The following PATJ variants were observed in gnomAD, a reference collection of about 807,000 sequenced individuals.
The protein encoded by PATJ is PATJ crumbs cell polarity complex component.
PATJ carries 190 observed loss-of-function variants against 224.9 expected under a neutral mutation model. The observed-to-expected ratio is 0.84, with a 90% confidence interval of 0.75 to 0.95. The LOEUF is 0.95. Ranked by LOEUF, PATJ falls within the 40% of genes least tolerant of loss-of-function variation. The pLI is 0.00. For synonymous variants in PATJ, 769 were observed against 820.3 expected (o/e 0.94, Z 1.07); for missense variants, 2,121 against 2,270.3 (o/e 0.93, Z 1.34).
intron 22 of PATJ, among the ~76,000 whole-genome samples, chr1:61,896,054 T>C (rs1670322319): frequency 6.6e-6 from 1 of 152,174 alleles, no homozygotes; most frequent in Non-Finnish European, 1.5e-5. Flanking sequence ...CCCAGCACTT[T>C]GGGAGGCTGA....
At chr1:62,092,215 A>T (rs937129497) in intron 33 of PATJ, among the ~76,000 whole-genome samples, 1 of 151,748 alleles carries the variant, frequency 6.6e-6, no homozygotes, top group Non-Finnish European at 1.5e-5. Context: ...CCTGTCTCAA[A>T]AAAAATTTTT....
intron 43 of PATJ, among the ~76,000 whole-genome samples, chr1:62,154,027 C>G (rs1668904028): frequency 6.6e-6 from 1 of 152,142 alleles, no homozygotes; most frequent in African/African-American, 2.4e-5. Context: ...GCCTCAGTAG[C>G]TAGGACTACA....
At chr1:62,158,647 C>G (rs1018599314) in intron 43 of PATJ, among the ~76,000 whole-genome samples, 2 of 130,660 alleles carry the variant, frequency 1.5e-5, no homozygotes, top group African/African-American at 5.2e-5. Context: ...TGTGAACCGG[C>G]GAGGCAGAGC....
At position 62,050,067 on chromosome 1, in the gene PATJ, G is replaced by A. The variant is rs1166980279; in HGVS notation, c.4033-899G>A. 3.3e-5 allele frequency among the ~76,000 whole-genome samples: 5 copies of A among 149,612 alleles called. No individual in the cohort carries two copies. In the East Asian group the frequency reaches 7.8e-4, roughly 23 times the overall value. On this transcript the variant is annotated intron_variant, in intron 30 of 43. Coordinates refer to ENST00000642238, the MANE Select transcript of PATJ (RefSeq NM_001350145.3). The stretch of plus-strand genomic sequence containing the variant: ...GGAGGCGAAGGTTGCAGTGAGCGGA[G>A]GTCGTGCCACTGCACTGCAGCCTTG...
chr1:62,051,565 G>A (rs1414887118), intron 31 of PATJ, among the ~76,000 whole-genome samples: 4 of 152,168 alleles, frequency 2.6e-5, no homozygotes, highest in African/African-American at 7.2e-5. Context: ...GACCTCAGAT[G>A]ATCCATCCGC....
At chr1:61,919,240 A>C (rs1355410985) in intron 26 of PATJ, among the ~76,000 whole-genome samples, 2 of 152,004 alleles carry the variant, frequency 1.3e-5, no homozygotes, top group Non-Finnish European at 2.9e-5. Context: ...CTTTAGTTAA[A>C]TGCAGAGATT....
chr1:62,100,530 G>T (rs1662024200), intron 33 of PATJ: 1 of 606,366 alleles, frequency 1.6e-6, no homozygotes, highest in Non-Finnish European at 3.0e-6. Context: ...ACGCCTTAAA[G>T]GTCTCACCTC....
chr1:61,993,172 C>T (rs1645163856), intron 28 of PATJ, among the ~76,000 whole-genome samples: 1 of 152,168 alleles, frequency 6.6e-6, no homozygotes, highest in Non-Finnish European at 1.5e-5. Flanking sequence ...CCCATTAACC[C>T]CTAACTCAGG....
intron 8 of PATJ, among the ~76,000 whole-genome samples, chr1:61,791,072 G>T (rs1483059742): frequency 6.6e-6 from 1 of 152,164 alleles, no homozygotes; most frequent in Non-Finnish European, 1.5e-5. Context: ...TAATGATTCA[G>T]ATCTTTTTCA....
intron 30 of PATJ, among the ~76,000 whole-genome samples, chr1:62,047,540 G>A (rs755546668): frequency 1.3e-5 from 2 of 152,076 alleles, no homozygotes; most frequent in Admixed American, 6.5e-5. Context: ...GTGAGCCACC[G>A]CACCCAGCCC....
chr1:62,090,559 C>A (rs1263556632), intron 33 of PATJ, among the ~76,000 whole-genome samples: 1 of 152,100 alleles, frequency 6.6e-6, no homozygotes, highest in Non-Finnish European at 1.5e-5. Flanking sequence ...TTAATATAAG[C>A]TATTGTTATG....
chr1:61,891,735 T>A (rs4915788), intron 22 of PATJ, among the ~76,000 whole-genome samples: 14 of 151,954 alleles, frequency 9.2e-5, no homozygotes, highest in African/African-American at 2.4e-4. Context: ...CTTGAACTTC[T>A]GTTTCTTAAG....
intron 30 of PATJ, among the ~76,000 whole-genome samples, chr1:62,049,869 C>T (rs186462583): frequency 1.8e-4 from 28 of 152,126 alleles, no homozygotes; most frequent in Admixed American, 1.8e-3. Flanking sequence ...ACCAACAAGA[C>T]ACACTTTGGA....
At chr1:61,977,214 C>T (rs547239860) in intron 27 of PATJ, among the ~76,000 whole-genome samples, 6 of 152,086 alleles carry the variant, frequency 3.9e-5, no homozygotes, top group South Asian at 2.1e-4. Context: ...CAGCCACCCG[C>T]GGAGCTGGGA....
chr1:61,901,604 T>A, intron 24 of PATJ, 145 bp downstream of exon 24: 1 of 568,716 alleles, frequency 1.8e-6, no homozygotes, highest in East Asian at 3.5e-5. Flanking sequence ...GTTTGTACAT[T>A]GTATGCACAA....
intron 29 of PATJ, among the ~76,000 whole-genome samples, chr1:62,023,070 A>T (rs1170607355): frequency 6.6e-6 from 1 of 152,168 alleles, no homozygotes; most frequent in Non-Finnish European, 1.5e-5. Flanking sequence ...CAGGCAGATC[A>T]TCTGAGGTCA....
At chr1:61,949,564 A>G (rs1350606795) in intron 27 of PATJ, among the ~76,000 whole-genome samples, 2 of 152,216 alleles carry the variant, frequency 1.3e-5, no homozygotes, top group South Asian at 2.1e-4. Context: ...AAAAGTTATT[A>G]TAAAAGGATC....
At chr1:61,982,022 GC>G in intron 27 of PATJ, among the ~76,000 whole-genome samples, 1 of 151,992 alleles carries the variant, frequency 6.6e-6, no homozygotes, top group South Asian at 2.1e-4. Flanking sequence ...TGAGTATAGG[GC>G]AGGACACCTG....
chr1:61,970,124 A>G (rs1257602076), intron 27 of PATJ, among the ~76,000 whole-genome samples: 1 of 151,898 alleles, frequency 6.6e-6, no homozygotes, highest in African/African-American at 2.4e-5. Context: ...ATCATATCCA[A>G]GAAACCATTG....
Sources: allele counts gnomAD v4.1 joint callset (sites outside exome capture counted in the v4.1 genomes callset), GRCh38; gene constraint gnomAD v4.1.1; transcripts MANE v1.5; gene names NCBI Gene and HGNC (gene_info 2026-07-23, HGNC 2026-07-21).